Variants in NRG1 observed in about 807,000 individuals in gnomAD.
NRG1 encodes neuregulin 1, also known as pro-neuregulin-1, membrane-bound isoform.
NRG1 carries 18 observed loss-of-function variants against 63.8 expected under a neutral mutation model. The observed-to-expected ratio is 0.28, with a 90% confidence interval of 0.19 to 0.42. The LOEUF is 0.42. Among genes scored for constraint, NRG1 ranks in the 10% least tolerant of loss-of-function variants. The pLI, the probability that NRG1 is intolerant of heterozygous loss-of-function variation, is 1.00. For synonymous variants in NRG1, 302 were observed against 301.3 expected (o/e 1.00, Z -0.02); for missense variants, 762 against 814.7 (o/e 0.94, Z 0.79).
At chr8:32,106,491 G>A (rs948441252) in intron 1 of NRG1, among the ~76,000 whole-genome samples, 1 of 152,160 alleles carries the variant, frequency 6.6e-6, no homozygotes, top group Non-Finnish European at 1.5e-5. Context: ...GGCATTTCTG[G>A]ACTCACACTG....
chr8:32,196,975 T>TTTTTTTTTTTTTTC (rs1843021072), intron 1 of NRG1, among the ~76,000 whole-genome samples: 1 of 126,484 alleles, frequency 7.9e-6, no homozygotes, highest in Non-Finnish European at 1.6e-5. Flanking sequence ...TTTTTTTTTT[T>TTTTTTTTTTTTTTC]TTAAGATAGA....
chr8:31,830,338 C>A (rs1586689531), intron 1 of NRG1, among the ~76,000 whole-genome samples: 1 of 117,024 alleles, frequency 8.5e-6, no homozygotes, highest in Non-Finnish European at 1.8e-5. Context: ...TCCTTCCTTC[C>A]TTCCTTCCTT....
chr8:32,470,517 T>C (rs1823713187), intron 1 of NRG1, among the ~76,000 whole-genome samples: 2 of 152,136 alleles, frequency 1.3e-5, no homozygotes, highest in Non-Finnish European at 2.9e-5. Context: ...AAAAGGACTC[T>C]TTTTAACCTC....
chr8:32,254,393 G>A lies in NRG1; in HGVS notation c.38-341435G>A, dbSNP rs146855066. ...GGTACGCTGTGTCTTTGTTCTCATT[G>A]GTTTCAAAGAACTTATTTATTTCTG... is the stretch of plus-strand genomic sequence containing the variant. On this transcript the variant is annotated intron_variant, in intron 1 of 10. Transcript: ENST00000519301. Among the ~76,000 whole-genome samples, 423 of 152,174 alleles carry A rather than the reference G, an allele frequency of 2.8e-3. 2 individuals are homozygous for A. Among genetic ancestry groups the A allele is most frequent in the African/African-American group, 9.6e-3 (399 of 41,498 alleles).
intron 5 of NRG1, among the ~76,000 whole-genome samples, chr8:32,650,016 AG>A (rs202050869): frequency 1.6e-4 from 24 of 152,294 alleles, no homozygotes; most frequent in African/African-American, 5.1e-4. Context: ...GTCCAGAGAA[AG>A]AAAAAAATGC....
intron 1 of NRG1, among the ~76,000 whole-genome samples, chr8:31,729,548 C>G (rs1173866513): frequency 6.6e-6 from 1 of 151,978 alleles, no homozygotes; most frequent in East Asian, 1.9e-4. Context: ...CTAGTATAGA[C>G]AGGTTTGAAA....
chr8:32,450,180 T>C (rs185292968), intron 1 of NRG1, among the ~76,000 whole-genome samples: 52 of 152,330 alleles, frequency 3.4e-4, no homozygotes, highest in African/African-American at 1.1e-3. Context: ...GACATTATGC[T>C]AGATTATTTT....
intron 1 of NRG1, among the ~76,000 whole-genome samples, chr8:32,353,401 T>C (rs1199812707): frequency 1.3e-5 from 2 of 151,778 alleles, no homozygotes; most frequent in Non-Finnish European, 2.9e-5. Context: ...ATTATAGAGC[T>C]ATAAACAATT....
In NRG1 at chr8:31,686,788, A is replaced by G. The variant is rs538322786; in HGVS notation, c.37+47357A>G. Among the ~76,000 whole-genome samples the G allele has an allele frequency of 2.8e-4, 42 of 148,708 alleles. No homozygotes were observed. The South Asian group carries it at 8.6e-3, about 30-fold the overall frequency. On this transcript the variant is annotated intron_variant, in intron 1 of 10. Coordinates refer to the NRG1 transcript ENST00000519301. ...TTTTTGTTTTTGTTTTTGTTTTTTGAGACGGAGTTTCTCTCTGTGGCCCAG... is the reference window on the plus strand; with the variant it reads ...TTTTTGTTTTTGTTTTTGTTTTTTGGGACGGAGTTTCTCTCTGTGGCCCAG...
intron 1 of NRG1, among the ~76,000 whole-genome samples, chr8:31,852,429 G>T (rs532592918): frequency 2.6e-5 from 4 of 152,290 alleles, no homozygotes; most frequent in East Asian, 1.9e-4. Context: ...GTCTGTTCAC[G>T]TCCTACGCCC....
At chr8:31,921,263 T>G (rs1833889772) in intron 1 of NRG1, among the ~76,000 whole-genome samples, 1 of 152,152 alleles carries the variant, frequency 6.6e-6, no homozygotes, top group Non-Finnish European at 1.5e-5. Flanking sequence ...ACCAATCAAA[T>G]TTGTCTAGCT....
At chr8:32,254,164 A>G (rs1849427351) in intron 1 of NRG1, among the ~76,000 whole-genome samples, 1 of 152,026 alleles carries the variant, frequency 6.6e-6, no homozygotes, top group Non-Finnish European at 1.5e-5. Context: ...TGATTTTTTA[A>G]AGGGTTTTTC....
At chr8:32,492,377 C>G (rs1230765883) in intron 1 of NRG1, among the ~76,000 whole-genome samples, 3 of 151,272 alleles carry the variant, frequency 2.0e-5, no homozygotes, top group Non-Finnish European at 4.4e-5. Context: ...TTTCCATGCA[C>G]CAATACTCCT....
rs1167519601 is a variant in NRG1 at position 32,595,992 on chromosome 8, CA to C, written c.272del (p.Lys91SerfsTer24). On this transcript the variant is annotated frameshift_variant, in exon 2 of 12. Transcript: ENST00000356819. LOFTEE classifies it high-confidence loss of function. ...AAACAAACCACAAAATATCAAGATA[CA>C]AAAAAAGCCAGGGTAAGTATAATGC... The C allele has an allele frequency of 6.2e-7, 1 of 1,610,226 alleles. No individual in the cohort carries two copies. Among genetic ancestry groups the C allele is most frequent in the East Asian group, 2.2e-5 (1 of 44,782 alleles).
intron 1 of NRG1, among the ~76,000 whole-genome samples, chr8:32,491,968 T>A (rs1826637469): frequency 6.6e-6 from 1 of 152,204 alleles, no homozygotes. Flanking sequence ...ATTGAAAATG[T>A]CAAGTCAAAT....
intron 1 of NRG1, among the ~76,000 whole-genome samples, chr8:31,790,077 G>C (rs1820553943): frequency 6.6e-6 from 1 of 152,148 alleles, no homozygotes; most frequent in Non-Finnish European, 1.5e-5. Flanking sequence ...GTTAGGTGAG[G>C]TCTTATTCAG....
At chr8:32,159,392 G>A (rs368587674) in intron 1 of NRG1, among the ~76,000 whole-genome samples, 1 of 150,724 alleles carries the variant, frequency 6.6e-6, no homozygotes, top group East Asian at 1.9e-4. Flanking sequence ...AAATTAGCCG[G>A]GCGCGGTGGC....
chr8:32,355,668 G>GT (rs1471185031), intron 1 of NRG1, among the ~76,000 whole-genome samples: 1 of 104,138 alleles, frequency 9.6e-6, no homozygotes, highest in Non-Finnish European at 2.2e-5. Context: ...GAAAGAAGGG[G>GT]GAAAAAAAAA....
At chr8:31,881,521 G>C (rs191049188) in intron 1 of NRG1, among the ~76,000 whole-genome samples, 2 of 152,154 alleles carry the variant, frequency 1.3e-5, no homozygotes, top group Non-Finnish European at 2.9e-5. Flanking sequence ...AACTGTTCAA[G>C]TGTAAGGAAG....
Sources: allele counts gnomAD v4.1 joint callset (sites outside exome capture counted in the v4.1 genomes callset), GRCh38; gene constraint gnomAD v4.1.1; transcripts MANE v1.5; gene names NCBI Gene and HGNC (gene_info 2026-07-23, HGNC 2026-07-21).